Variants in FHIT observed in about 807,000 individuals in gnomAD.
FHIT encodes the protein fragile histidine triad diadenosine triphosphatase.
FHIT carries 19 observed loss-of-function variants against 17.9 expected under a neutral mutation model. That is an observed-to-expected ratio of 1.06 (90% CI 0.74 to 1.56). FHIT has a LOEUF of 1.56. Among genes scored for constraint, FHIT ranks in the 40% most tolerant of loss-of-function variants. The pLI is 0.00. For missense variants in FHIT, 248 were observed against 189.2 expected, an observed-to-expected ratio of 1.31 and a Z score of -1.82; for synonymous variants, 81 against 69.7, an observed-to-expected ratio of 1.16 and a Z score of -0.81.
chr3:59,769,574 C>T (rs377153821), intron 8 of FHIT, among the ~76,000 whole-genome samples: 8 of 152,156 alleles, frequency 5.3e-5, no homozygotes, highest in Non-Finnish European at 7.3e-5. Flanking sequence ...AATTACTTAC[C>T]GCAAGCTGCC....
At chr3:61,116,155 A>G (rs1409242435) in intron 2 of FHIT, among the ~76,000 whole-genome samples, 1 of 152,024 alleles carries the variant, frequency 6.6e-6, no homozygotes, top group Non-Finnish European at 1.5e-5. Context: ...CTCTAGAATG[A>G]CAAAAGCAAA....
chr3:61,159,079 C>G (rs76665298), intron 2 of FHIT, among the ~76,000 whole-genome samples: 7,986 of 152,248 alleles, frequency 0.052, 292 homozygotes, highest in Non-Finnish European at 0.086. Flanking sequence ...CTAACAAATA[C>G]TTAATTTCTC....
chr3:59,818,747 A>G (rs1290575487), intron 8 of FHIT, among the ~76,000 whole-genome samples: 1 of 152,212 alleles, frequency 6.6e-6, no homozygotes, highest in Non-Finnish European at 1.5e-5. Context: ...AGGAAGTTAC[A>G]GGGTGCGGTC....
At chr3:60,267,906 T>C (rs1026694075) in intron 5 of FHIT, among the ~76,000 whole-genome samples, 5 of 152,218 alleles carry the variant, frequency 3.3e-5, no homozygotes, top group African/African-American at 1.2e-4. Flanking sequence ...TGTGCACACA[T>C]ATTTGAAGGA....
At chr3:59,855,581 C>T (rs539349177) in intron 8 of FHIT, among the ~76,000 whole-genome samples, 1 of 151,986 alleles carries the variant, frequency 6.6e-6, no homozygotes. Context: ...AAAATCTGTA[C>T]TTATAATAGA....
chr3:60,233,135 C>A (rs766561674), intron 5 of FHIT, among the ~76,000 whole-genome samples: 5 of 152,118 alleles, frequency 3.3e-5, no homozygotes, highest in African/African-American at 1.2e-4. Flanking sequence ...AGTCACTATA[C>A]TTTTCTATTT....
intron 7 of FHIT, among the ~76,000 whole-genome samples, chr3:59,960,303 G>C (rs1707610015): frequency 6.6e-6 from 1 of 152,290 alleles, no homozygotes; most frequent in South Asian, 2.1e-4. Flanking sequence ...AGCAGAAATG[G>C]ATGGATTTAA....
At chr3:60,105,533 T>C (rs766506429) in intron 5 of FHIT, among the ~76,000 whole-genome samples, 35 of 152,302 alleles carry the variant, frequency 2.3e-4, no homozygotes, top group Non-Finnish European at 3.4e-4. Flanking sequence ...ATGCCTACTT[T>C]AGTGATCAGG....
At chr3:60,924,547 AC>A (rs1243076463) in intron 3 of FHIT, among the ~76,000 whole-genome samples, 1 of 152,012 alleles carries the variant, frequency 6.6e-6, no homozygotes, top group Admixed American at 6.5e-5. Flanking sequence ...CCACACCAAA[AC>A]CCCATCTGTA....
intron 4 of FHIT, among the ~76,000 whole-genome samples, chr3:60,541,612 A>T (rs1576842615): frequency 6.6e-6 from 1 of 152,266 alleles, no homozygotes; most frequent in Admixed American, 6.5e-5. Flanking sequence ...AGGCAAGGAC[A>T]TCCTTCAGAG....
intron 5 of FHIT, among the ~76,000 whole-genome samples, chr3:60,189,208 A>T (rs1702291791): frequency 2.0e-5 from 3 of 151,874 alleles, no homozygotes; most frequent in Non-Finnish European, 4.4e-5. Context: ...GGAAAAAAAA[A>T]TCTGACAGGT....
chr3:60,492,862 ATG>A (rs1202359195), intron 5 of FHIT, among the ~76,000 whole-genome samples: 1 of 152,108 alleles, frequency 6.6e-6, no homozygotes, highest in African/African-American at 2.4e-5. Flanking sequence ...TAGTGCATTC[ATG>A]TGTCTTTATT....
chr3:61,101,453 G>C (rs2035825019), intron 2 of FHIT, among the ~76,000 whole-genome samples: 1 of 152,134 alleles, frequency 6.6e-6, no homozygotes, highest in Non-Finnish European at 1.5e-5. Context: ...TGATGTTTTG[G>C]TTACTGCAGT....
At chr3:60,516,032 G>A (rs190162206) in intron 5 of FHIT, among the ~76,000 whole-genome samples, 97 of 152,270 alleles carry the variant, frequency 6.4e-4, no homozygotes, top group African/African-American at 2.3e-3. Flanking sequence ...AGGCGGGGAA[G>A]GCAGGGAAAT....
intron 5 of FHIT, among the ~76,000 whole-genome samples, chr3:60,306,168 T>G (rs1708661808): frequency 6.6e-6 from 1 of 152,120 alleles, no homozygotes; most frequent in Non-Finnish European, 1.5e-5. Context: ...AATAGGAGAA[T>G]TTTATTAACT....
rs138671572 is a variant in FHIT, at chr3:61,112,108, T to G, written c.-163-70009A>C. On this transcript the variant is annotated intron_variant, in intron 2 of 9. Transcript: ENST00000492590. ...CAGCTAGGAGGTGGCGGGGCCAAAA[T>G]TTCACTGTCTGACTTCAAAGTCCAT... Among the ~76,000 whole-genome samples the G allele has an allele frequency of 1.3e-3, 198 of 152,252 alleles. 1 individual carries two copies. The highest frequency in any genetic ancestry group is 4.6e-3 in the African/African-American group (190 of 41,548).
chr3:59,811,486 T>G (rs1417557451), intron 8 of FHIT, among the ~76,000 whole-genome samples: 2 of 152,238 alleles, frequency 1.3e-5, no homozygotes, highest in Non-Finnish European at 2.9e-5. Context: ...TGATTTGTTT[T>G]CAGACTTTAG....
At chr3:61,204,445 C>CA (rs2039139756) in intron 1 of FHIT, among the ~76,000 whole-genome samples, 1 of 151,992 alleles carries the variant, frequency 6.6e-6, no homozygotes, top group African/African-American at 2.4e-5. Flanking sequence ...ACCAAAAGAA[C>CA]AGAAATTTCC....
intron 1 of FHIT, among the ~76,000 whole-genome samples, chr3:61,222,517 G>T (rs986214821): frequency 6.6e-6 from 1 of 152,210 alleles, no homozygotes; most frequent in Non-Finnish European, 1.5e-5. Context: ...AATGCAGACA[G>T]TTCTAGCAGC....
Sources: gnomAD v4.1 joint callset for allele counts (sites outside exome capture counted in the v4.1 genomes callset) on GRCh38, gnomAD v4.1.1 for gene constraint, MANE v1.5 for transcripts, NCBI Gene and HGNC (gene_info 2026-07-23, HGNC 2026-07-21) for gene names.